The following RARB variants were observed in gnomAD, a reference collection of about 807,000 sequenced individuals.
RARB encodes the protein retinoic acid receptor beta.
RARB carries 17 observed loss-of-function variants against 51.9 expected under a neutral mutation model. The observed-to-expected ratio is 0.33, with a 90% confidence interval of 0.22 to 0.49. RARB has a LOEUF of 0.49. Ranked by LOEUF, RARB falls within the 20% of genes least tolerant of loss-of-function variation. The pLI, the probability that RARB is intolerant of heterozygous loss-of-function variation, is 0.99. For synonymous variants in RARB, 215 were observed against 195.4 expected (o/e 1.10, Z -0.84); for missense variants, 369 against 550.8 (o/e 0.67, Z 3.30).
rs139709347 is a variant in RARB at position 25,302,160 on chromosome 3, G to A, written c.178+127585G>A. 7.5e-3 allele frequency among the ~76,000 whole-genome samples: 1,140 copies of A among 152,306 alleles called. 20 individuals are homozygous for A. The highest frequency in any genetic ancestry group is 0.026 in the African/African-American group (1,084 of 41,558). On this transcript the variant is annotated intron_variant, in intron 5 of 11. Transcript: ENST00000383772. ...TAGCAAGGATGAGGAGAATTTGGAA[G>A]CCTCCTACATTGCTAGTGAAATTAT...
chr3:24,849,614 G>A (rs542885339), intron 1 of RARB, among the ~76,000 whole-genome samples: 56 of 152,350 alleles, frequency 3.7e-4, no homozygotes, highest in Non-Finnish European at 6.0e-4. Context: ...CAATAGGACT[G>A]TAACTCACAC....
At chr3:25,221,871 G>A (rs1218259808) in intron 5 of RARB, among the ~76,000 whole-genome samples, 1 of 152,178 alleles carries the variant, frequency 6.6e-6, no homozygotes, top group Non-Finnish European at 1.5e-5. Flanking sequence ...ACATTTCCAA[G>A]TGTATAGGGT....
At chr3:24,881,262 C>G (rs1437841824) in intron 2 of RARB, among the ~76,000 whole-genome samples, 1 of 152,164 alleles carries the variant, frequency 6.6e-6, no homozygotes, top group Non-Finnish European at 1.5e-5. Flanking sequence ...TATAAATTAC[C>G]CAGTTTCAGG....
intron 2 of RARB, among the ~76,000 whole-genome samples, chr3:25,494,850 A>C (rs1696944323): frequency 6.6e-6 from 1 of 152,342 alleles, no homozygotes; most frequent in African/African-American, 2.4e-5. Context: ...ATTGTTCAGA[A>C]AAAACTGAGG....
In RARB at chr3:24,843,900, T is replaced by TACACAC. The variant is rs71057685; in HGVS notation, c.-459+14529_-459+14534dup. Reference sequence around the variant, plus strand: ...TTTTGTTGTTTTGGTGATTTGAGGGTACACACACACACACACACACACACA... The same window carrying TACACAC: ...TTTTGTTGTTTTGGTGATTTGAGGGTACACACACACACACACACACACACACACACA... On this transcript the variant is annotated intron_variant, in intron 1 of 11. Coordinates refer to the RARB transcript ENST00000383772. Among the ~76,000 whole-genome samples the TACACAC allele has an allele frequency of 8.7e-3, 1,270 of 145,234 alleles. 6 individuals are homozygous for TACACAC. Among genetic ancestry groups the TACACAC allele is most frequent in the Middle Eastern group, 0.025 (7 of 284 alleles).
chr3:25,517,453 A>G (rs888268248), intron 3 of RARB, among the ~76,000 whole-genome samples: 1 of 152,226 alleles, frequency 6.6e-6, no homozygotes, highest in Non-Finnish European at 1.5e-5. Flanking sequence ...ATGCTGCTTC[A>G]CACCCATTAA....
chr3:25,177,659 G>A (rs1700782183), intron 5 of RARB, among the ~76,000 whole-genome samples: 2 of 152,138 alleles, frequency 1.3e-5, no homozygotes, highest in African/African-American at 4.8e-5. Flanking sequence ...GGTTATACCT[G>A]CTTGTCACTC....
intron 5 of RARB, among the ~76,000 whole-genome samples, chr3:25,311,010 A>G (rs1013423515): frequency 2.0e-5 from 3 of 152,260 alleles, no homozygotes; most frequent in African/African-American, 7.2e-5. Context: ...AATGGAACAG[A>G]TGAGACTGCC....
At position 25,236,347 on chromosome 3, in the gene RARB, C is replaced by T. The variant is rs545772681; in HGVS notation, c.178+61772C>T. 4.6e-5 allele frequency among the ~76,000 whole-genome samples: 7 copies of T among 152,096 alleles called. No homozygotes were observed. In the East Asian group the frequency reaches 1.2e-3, roughly 25 times the overall value. On this transcript the variant is annotated intron_variant, in intron 5 of 11. Coordinates refer to the RARB transcript ENST00000383772. ...AGATAATTTCAAAGATAATAATACC[C>T]TGTTAATTCTTATCTCAGAATAGCA...
chr3:25,566,598 A>T (rs142834524), intron 3 of RARB, among the ~76,000 whole-genome samples: 1 of 152,298 alleles, frequency 6.6e-6, no homozygotes, highest in East Asian at 1.9e-4. Context: ...CCCTTCCCAC[A>T]GGACCTCACC....
chr3:25,584,816 G>A (rs1701321166), intron 5 of RARB, among the ~76,000 whole-genome samples: 1 of 152,152 alleles, frequency 6.6e-6, no homozygotes, highest in South Asian at 2.1e-4. Flanking sequence ...ATTCTCACAT[G>A]TATTTACTGA....
At chr3:25,001,059 C>T in intron 2 of RARB, among the ~76,000 whole-genome samples, 1 of 151,976 alleles carries the variant, frequency 6.6e-6, no homozygotes, top group Non-Finnish European at 1.5e-5. Flanking sequence ...GTAGTTCCTA[C>T]AGTCTCAGTG....
chr3:25,017,473 G>C (rs1697538230), intron 2 of RARB, among the ~76,000 whole-genome samples: 1 of 152,048 alleles, frequency 6.6e-6, no homozygotes, highest in South Asian at 2.1e-4. Flanking sequence ...CTGAAGGTCA[G>C]GTTTCCCCTG....
At chr3:25,104,827 T>C (rs935400405) in intron 3 of RARB, among the ~76,000 whole-genome samples, 6 of 152,192 alleles carry the variant, frequency 3.9e-5, no homozygotes, top group Non-Finnish European at 8.8e-5. Context: ...ATCCCACATG[T>C]TTAATAGTAC....
intron 3 of RARB, among the ~76,000 whole-genome samples, chr3:25,112,580 C>G (rs1404482316): frequency 6.6e-6 from 1 of 152,006 alleles, no homozygotes; most frequent in African/African-American, 2.4e-5. Context: ...AGTTTGAGAC[C>G]AGCCTGGGCC....
In RARB at chr3:25,156,253, G is replaced by A. The variant is rs572786448; in HGVS notation, c.-279-17866G>A. On this transcript the variant is annotated intron_variant, in intron 4 of 11. Coordinates refer to the RARB transcript ENST00000383772. ...CTGTGTTGATGGACACTGGGGACAA[G>A]GTAGCTTTGTGATCTTCTTTGTTTC... is the stretch of plus-strand genomic sequence containing the variant. Among the ~76,000 whole-genome samples, 7 of 152,242 alleles carry A rather than the reference G, an allele frequency of 4.6e-5. No individual in the cohort carries two copies. In the South Asian group the frequency reaches 6.2e-4, roughly 14 times the overall value.
At chr3:25,369,617 A>G (rs905038276) in intron 5 of RARB, among the ~76,000 whole-genome samples, 1 of 152,244 alleles carries the variant, frequency 6.6e-6, no homozygotes, top group East Asian at 1.9e-4. Flanking sequence ...ATAAGCAAGC[A>G]GATTCAAAGA....
Position 25,508,302 on chromosome 3 carries a change from G to A in RARB, c.448+6979G>A, listed in dbSNP as rs545320666. ...TTAGACATGAACGTCCCCATGGGTC[G>A]ATTGGATGGAATGAATGTGCTTTGT... On this transcript the variant is annotated intron_variant, in intron 3 of 7. Transcript: ENST00000330688. Among the ~76,000 whole-genome samples, 14 of 152,266 alleles carry A rather than the reference G, an allele frequency of 9.2e-5. No homozygotes were observed. In the South Asian group the frequency reaches 2.1e-3, roughly 23 times the overall value.
intron 3 of RARB, among the ~76,000 whole-genome samples, chr3:25,072,784 C>G (rs138867900): frequency 2.8e-3 from 427 of 152,138 alleles, no homozygotes; most frequent in African/African-American, 9.9e-3. Context: ...TCTCGGCTCA[C>G]TGCAAGCTCC....
Sources: gnomAD v4.1 joint callset for allele counts (sites outside exome capture counted in the v4.1 genomes callset) on GRCh38, gnomAD v4.1.1 for gene constraint, MANE v1.5 for transcripts, NCBI Gene and HGNC (gene_info 2026-07-23, HGNC 2026-07-21) for gene names.